The following DOK6 variants were observed in gnomAD, a reference collection of about 807,000 sequenced individuals.
DOK6 encodes downstream of tyrosine kinase 6.
DOK6 carries 22 observed loss-of-function variants against 44.0 expected under a neutral mutation model. The observed-to-expected ratio is 0.50, with a 90% CI of 0.36 to 0.71. DOK6 has a LOEUF of 0.71. Among genes scored for constraint, DOK6 ranks in the 30% least tolerant of loss-of-function variants. DOK6 has a pLI of 0.00. For missense variants in DOK6, 340 were observed against 416.4 expected (o/e 0.82, Z 1.60); for synonymous variants, 166 against 145.5 (o/e 1.14, Z -1.01).
At chr18:69,659,067 AAT>A (rs1985442170) in intron 3 of DOK6, among the ~76,000 whole-genome samples, 1 of 152,250 alleles carries the variant, frequency 6.6e-6, no homozygotes, top group African/African-American at 2.4e-5. Flanking sequence ...CCTGAAATCA[AAT>A]AGTAGAACAA....
intron 7 of DOK6, among the ~76,000 whole-genome samples, chr18:69,758,931 G>A (rs1284427011): frequency 6.6e-6 from 1 of 152,110 alleles, no homozygotes; most frequent in Non-Finnish European, 1.5e-5. Context: ...TGCTTGCCAG[G>A]GTTTCCAAAC....
At chr18:69,566,369 CT>C (rs1002666005) in intron 2 of DOK6, among the ~76,000 whole-genome samples, 7 of 152,124 alleles carry the variant, frequency 4.6e-5, no homozygotes, top group African/African-American at 1.4e-4. Flanking sequence ...ATCTTCTGAC[CT>C]TGTGATCCGC....
chr18:69,463,112 G>A (rs1037322929), intron 1 of DOK6, among the ~76,000 whole-genome samples: 6 of 152,116 alleles, frequency 3.9e-5, no homozygotes, highest in African/African-American at 1.4e-4. Context: ...GTCCAAGACT[G>A]GTGTCTAGTG....
intron 7 of DOK6, among the ~76,000 whole-genome samples, chr18:69,772,187 A>G (rs992779536): frequency 2.0e-5 from 3 of 151,946 alleles, no homozygotes; most frequent in Non-Finnish European, 4.4e-5. Flanking sequence ...TAAATAAATA[A>G]AACAAATATT....
intron 3 of DOK6, 50 bp from the exon 4 acceptor site, chr18:69,677,684 A>T: frequency 6.2e-7 from 1 of 1,609,362 alleles, no homozygotes; most frequent in Non-Finnish European, 8.5e-7. Flanking sequence ...TTCTTCTTCC[A>T]TCATTCCTAG....
chr18:69,487,505 G>A (rs140307798), intron 1 of DOK6, among the ~76,000 whole-genome samples: 289 of 152,180 alleles, frequency 1.9e-3, no homozygotes, highest in African/African-American at 6.4e-3. Context: ...TTTGATGTGA[G>A]TGGATTATCC....
chr18:69,701,031 G>A (rs922629498), intron 5 of DOK6, among the ~76,000 whole-genome samples: 2 of 152,180 alleles, frequency 1.3e-5, no homozygotes, highest in Non-Finnish European at 1.5e-5. Context: ...AATACAATTG[G>A]ATATGTCAAA....
rs1555670145 is a variant in DOK6 at position 69,774,133 on chromosome 18, G to GATAGATATATATATATATATAT, written c.856+16263_856+16264insGATATATATATATATATATATA. Among the ~76,000 whole-genome samples, 9 of 66,866 alleles carry GATAGATATATATATATATATAT rather than the reference G, an allele frequency of 1.3e-4. 1 individual carries two copies. The Admixed American group carries it at 1.9e-3, about 14-fold the overall frequency. The allele number at this position is 66,866 out of a possible 152,430, so 43.9% of individuals were successfully genotyped here. ...TAGATTTATATAGATATATATATGA[G>GATAGATATATATATATATATAT]ATATATATATATATATATATATAAT... On this transcript the variant is annotated intron_variant, in intron 7 of 7. Transcript: ENST00000382713.
chr18:69,490,101 A>G (rs558716686), intron 1 of DOK6, among the ~76,000 whole-genome samples: 1 of 152,300 alleles, frequency 6.6e-6, no homozygotes, highest in African/African-American at 2.4e-5. Context: ...TTGTCCTGAT[A>G]TATTTTCTAT....
At chr18:69,577,085 T>G (rs1983256981) in intron 2 of DOK6, among the ~76,000 whole-genome samples, 1 of 152,152 alleles carries the variant, frequency 6.6e-6, no homozygotes, top group African/African-American at 2.4e-5. Context: ...TTCTCTTTGT[T>G]TGGCCTTGGC....
chr18:69,534,981 T>C (rs921952848), intron 1 of DOK6, among the ~76,000 whole-genome samples: 1 of 152,148 alleles, frequency 6.6e-6, no homozygotes, highest in African/African-American at 2.4e-5. Flanking sequence ...TCTCTTCCCT[T>C]AAGCAAGTTT....
rs1202960562 is a variant in DOK6, at chr18:69,764,178, C to T, written c.856+6305C>T. 4.6e-5 allele frequency among the ~76,000 whole-genome samples: 7 copies of T among 152,160 alleles called. 1 individual carries two copies. The South Asian group carries it at 8.3e-4, about 18-fold the overall frequency. ...CCCTTTAACATGATGGCTCAAAATC[C>T]GTCTCTCTACACCTGCTGCCTTCTC... is the stretch of plus-strand genomic sequence containing the variant. On this transcript the variant is annotated intron_variant, in intron 7 of 7. Coordinates refer to ENST00000382713, the MANE Select transcript of DOK6 (RefSeq NM_152721.6).
chr18:69,485,128 C>T (rs1033666572), intron 1 of DOK6, among the ~76,000 whole-genome samples: 3 of 152,088 alleles, frequency 2.0e-5, no homozygotes, highest in Admixed American at 6.5e-5. Flanking sequence ...CACAGTAGAT[C>T]GTTTGCACAT....
At chr18:69,799,854 C>G (rs1176419815) in intron 7 of DOK6, among the ~76,000 whole-genome samples, 1 of 152,062 alleles carries the variant, frequency 6.6e-6, no homozygotes, top group Non-Finnish European at 1.5e-5. Context: ...CAGATATCAG[C>G]TGAGCAACCT....
At chr18:69,511,047 C>T (rs1259232658) in intron 1 of DOK6, among the ~76,000 whole-genome samples, 1 of 152,102 alleles carries the variant, frequency 6.6e-6, no homozygotes, top group African/African-American at 2.4e-5. Context: ...TTAACAGAAG[C>T]AATGAATTTT....
At chr18:69,532,622 A>T (rs1477395583) in intron 1 of DOK6, 1 of 152,248 alleles carries the variant, frequency 6.6e-6, no homozygotes, top group Admixed American at 6.5e-5. Context: ...GCATTTTGGG[A>T]GGCCAAAGCA....
chr18:69,565,527 A>C (rs34255739), intron 2 of DOK6, among the ~76,000 whole-genome samples: 1 of 19,898 alleles, frequency 5.0e-5, no homozygotes, highest in Non-Finnish European at 1.4e-4. Flanking sequence ...GTGTGTATAT[A>C]TATATACATA....
intron 7 of DOK6, among the ~76,000 whole-genome samples, chr18:69,803,283 A>G (rs1980956285): frequency 6.6e-6 from 1 of 152,192 alleles, no homozygotes; most frequent in South Asian, 2.1e-4. Context: ...TTTTGTTAAT[A>G]TTAATTCCTA....
chr18:69,635,966 A>T (rs1984796936), intron 3 of DOK6, among the ~76,000 whole-genome samples: 1 of 152,230 alleles, frequency 6.6e-6, no homozygotes, highest in Non-Finnish European at 1.5e-5. Context: ...CTCTGCTGCA[A>T]GCTTTCTGTC....
Sources: gnomAD v4.1 joint callset for allele counts (sites outside exome capture counted in the v4.1 genomes callset) on GRCh38, gnomAD v4.1.1 for gene constraint, MANE v1.5 for transcripts, NCBI Gene and HGNC (gene_info 2026-07-23, HGNC 2026-07-21) for gene names.